Variants in CLEC18B observed in about 807,000 individuals in gnomAD.
The protein encoded by CLEC18B is mannose receptor-like 2.
A neutral mutation model predicts 60.4 loss-of-function variants in CLEC18B; 5 were observed. The ratio of observed to expected loss-of-function variants is 0.08; its 90% CI spans 0.04 to 0.17. CLEC18B has a LOEUF of 0.17. Ranked by LOEUF, CLEC18B falls within the 10% of genes least tolerant of loss-of-function variation. CLEC18B has a pLI of 1.00. For missense variants in CLEC18B, 26 were observed against 572.8 expected, an observed-to-expected ratio of 0.05 and a Z score of 9.74; for synonymous variants, 16 against 221.2, an observed-to-expected ratio of 0.07 and a Z score of 8.23.
upstream of CLEC18B, chr16:74,422,106 T>C (rs1328976659): frequency 6.7e-6 from 1 of 148,270 alleles, no homozygotes; most frequent in Non-Finnish European, 1.5e-5. Flanking sequence ...CCTGCTGGGA[T>C]CACGTCCGCC....
At chr16:74,410,111 G>T (rs1451569717) in intron 10 of CLEC18B, among the ~76,000 whole-genome samples, 3 of 152,274 alleles carry the variant, frequency 2.0e-5, no homozygotes, top group Non-Finnish European at 4.4e-5. Context: ...TGACCAGAGG[G>T]TTCTTGCTAC....
upstream of CLEC18B, chr16:74,422,024 G>C (rs1216982638): frequency 7.0e-6 from 1 of 142,786 alleles, no homozygotes; most frequent in Non-Finnish European, 1.5e-5. Context: ...CTACAGGCCA[G>C]GGGGGGAGTG....
At chr16:74,414,459 G>A (rs1201242782) in intron 3 of CLEC18B, among the ~76,000 whole-genome samples, 339 of 150,488 alleles carry the variant, frequency 2.3e-3, no homozygotes, top group African/African-American at 7.6e-3. Flanking sequence ...ATACTGAGCC[G>A]ATTTTGAACC....
intron 4 of CLEC18B, 44 bp from the exon 5 acceptor site, chr16:74,413,202 C>T: frequency 1.2e-6 from 2 of 1,611,964 alleles, no homozygotes; most frequent in African/African-American, 1.3e-5. Context: ...AGGGCCTGGC[C>T]TTGGGCAAGG....
intron 4 of CLEC18B, among the ~76,000 whole-genome samples, chr16:74,413,372 A>G (rs2013270489): frequency 6.6e-6 from 1 of 152,286 alleles, no homozygotes. Flanking sequence ...ACCAGTATCC[A>G]GGAAGGGACA....
At chr16:74,419,898 G>T (rs1216711924) in intron 2 of CLEC18B, among the ~76,000 whole-genome samples, 2 of 151,552 alleles carry the variant, frequency 1.3e-5, no homozygotes, top group African/African-American at 4.8e-5. Flanking sequence ...AGACAATGGA[G>T]GGCAGCGTTT....
intron 3 of CLEC18B, among the ~76,000 whole-genome samples, chr16:74,416,378 CT>C (rs1394872448): frequency 1.4e-5 from 2 of 144,956 alleles, no homozygotes; most frequent in East Asian, 4.4e-4. Context: ...GGCACATGTT[CT>C]TCTTTTTACT....
intron 3 of CLEC18B, among the ~76,000 whole-genome samples, chr16:74,416,212 G>A (rs1288369823): frequency 1.4e-5 from 2 of 148,036 alleles, no homozygotes; most frequent in Admixed American, 7.3e-5. Context: ...GCAGTGAGCC[G>A]AGATCGCACC....
Position 74,409,568 on chromosome 16 carries a change from G to A in CLEC18B, c.1285C>T (p.Arg429Cys), listed in dbSNP as rs199605860. The A allele has an allele frequency of 6.5e-5, 105 of 1,613,496 alleles. No homozygotes were observed. The highest frequency in any genetic ancestry group is 1.2e-4 in the South Asian group (11 of 90,954). Residue 429 changes from arginine (R) to cysteine (C), a missense_variant, in exon 11 of 12, where the codon CGT becomes TGT. Coordinates refer to ENST00000682950, the MANE Select transcript of CLEC18B (RefSeq NM_001385193.1). ...CCCTCACCAAACTGGCAGATGTAAC[G>A]GTTTCGGGTTTTGCAGCGCTGGTCG... is the stretch of plus-strand genomic sequence containing the variant. ...WNDQRCKTRNRYICQFAQEHI... is the reference protein window; with the variant it reads ...WNDQRCKTRNCYICQFAQEHI...
chr16:74,408,638 G>C lies in CLEC18B; in HGVS notation c.*368C>G, dbSNP rs1324203119. The C allele has an allele frequency of 1.8e-6, 1 of 558,462 alleles. No individual in the cohort carries two copies. Among genetic ancestry groups the C allele is most frequent in the Non-Finnish European group, 3.2e-6 (1 of 311,990 alleles). 34.6% of individuals were successfully genotyped at this position (558,462 alleles called of 1,614,324 possible). Reference sequence around the variant, plus strand: ...GAAATGAGCATGCACAGGTTCAGCTGATTCATAATTTAATACCCCGTGGGG... The same window carrying C: ...GAAATGAGCATGCACAGGTTCAGCTCATTCATAATTTAATACCCCGTGGGG... On this transcript the variant is annotated 3_prime_UTR_variant, in exon 12 of 12. Coordinates refer to ENST00000682950, the MANE Select transcript of CLEC18B (RefSeq NM_001385193.1).
chr16:74,417,401 T>C (rs1361178524), intron 3 of CLEC18B, among the ~76,000 whole-genome samples: 2 of 97,984 alleles, frequency 2.0e-5, no homozygotes, highest in Non-Finnish European at 2.0e-5. Flanking sequence ...TCATTTGAGG[T>C]CAGGAGTTCG....
At chr16:74,417,152 C>A (rs1441841961) in intron 3 of CLEC18B, among the ~76,000 whole-genome samples, 1 of 148,228 alleles carries the variant, frequency 6.7e-6, no homozygotes, top group East Asian at 2.3e-4. Context: ...GTAGTCCCAG[C>A]TACTTGGGAG....
intron 10 of CLEC18B, among the ~76,000 whole-genome samples, chr16:74,410,034 C>T (rs1466577513): frequency 2.0e-5 from 3 of 152,258 alleles, no homozygotes; most frequent in East Asian, 1.9e-4. Flanking sequence ...TTGGTGGCCT[C>T]GCAGCCGGAC....
rs144236622 is a variant in CLEC18B, at chr16:74,421,193, T to C, written c.78A>G (p.Ala26=). The part of the protein sequence containing the change: ...VLLALLGTTW[A]EVWPPQLQEQ... ...CCTGCAGCTGGGGTGGCCACACCTC[T>C]GCCCAGGTGGTGCCAAGGAGGGCCA... The change falls in exon 1 of 12, where the codon GCA becomes GCG. Residue 26 remains alanine, a synonymous_variant. Transcript: ENST00000682950. The C allele has an allele frequency of 1.3e-5, 21 of 1,609,738 alleles. No individual in the cohort carries two copies. In the African/African-American group the frequency reaches 2.2e-4, roughly 17 times the overall value.
chr16:74,416,302 G>A (rs1444168895), intron 3 of CLEC18B, among the ~76,000 whole-genome samples: 1 of 151,136 alleles, frequency 6.6e-6, no homozygotes, highest in Non-Finnish European at 1.5e-5. Context: ...AGATCTTCGG[G>A]AAGTGGGAAC....
chr16:74,410,317 G>T (rs71391083), intron 10 of CLEC18B, among the ~76,000 whole-genome samples: 8,940 of 106,394 alleles, frequency 0.084, no homozygotes, highest in Non-Finnish European at 0.13. Flanking sequence ...GAGGCTTCCT[G>T]GGTCCCTCTC....
chr16:74,416,873 C>A (rs1047113550), intron 3 of CLEC18B, among the ~76,000 whole-genome samples: 6 of 150,294 alleles, frequency 4.0e-5, no homozygotes, highest in African/African-American at 1.2e-4. Context: ...GGGAAGATTC[C>A]CTCCAGGGAG....
chr16:74,414,328 TAG>T (rs2013329878), intron 3 of CLEC18B, among the ~76,000 whole-genome samples: 1 of 133,494 alleles, frequency 7.5e-6, no homozygotes, highest in East Asian at 2.5e-4. Flanking sequence ...TTTCTTGCAG[TAG>T]GCCACTCCTT....
At chr16:74,414,317 ATTTCTT>A (rs2013328436) in intron 3 of CLEC18B, among the ~76,000 whole-genome samples, 1 of 152,288 alleles carries the variant, frequency 6.6e-6, no homozygotes, top group African/African-American at 2.4e-5. Context: ...ACAACCATTC[ATTTCTT>A]GCAGTAGGCC....
Sources: gnomAD v4.1 joint callset for allele counts (sites outside exome capture counted in the v4.1 genomes callset) on GRCh38, gnomAD v4.1.1 for gene constraint, MANE v1.5 for transcripts, NCBI Gene and HGNC (gene_info 2026-07-23, HGNC 2026-07-21) for gene names.